The following YIPF2 variants were observed in gnomAD, a reference collection of about 807,000 sequenced individuals.
The protein encoded by YIPF2 is Yip1 domain family member 2, also known as protein YIPF2.
YIPF2 carries 30 observed loss-of-function variants against 38.8 expected under a neutral mutation model. That is an observed-to-expected ratio of 0.77 (90% confidence interval 0.58 to 1.05). The LOEUF is 1.05. Ranked by LOEUF, YIPF2 falls within the 50% of genes least tolerant of loss-of-function variation. YIPF2 has a pLI of 0.00. For synonymous variants in YIPF2, 194 were observed against 183.8 expected (o/e 1.06, Z -0.45); for missense variants, 401 against 409.7 (o/e 0.98, Z 0.18).
At position 10,923,086 on chromosome 19, in the gene YIPF2, T is replaced by C. The variant is rs1376136851; in HGVS notation, c.*108A>G. The C allele has an allele frequency of 5.6e-6, 3 of 534,158 alleles. No individual in the cohort carries two copies. The highest frequency in any genetic ancestry group is 9.8e-6 in the Non-Finnish European group (3 of 306,982). The allele number at this position is 534,158 out of a possible 1,614,324, so 33.1% of individuals were successfully genotyped here. On this transcript the variant is annotated 3_prime_UTR_variant, in exon 10 of 10. Coordinates refer to ENST00000586748, the MANE Select transcript of YIPF2 (RefSeq NM_001321439.2). ...TGCTTTGTAAGAAAAGTCTGGAAAG[T>C]AGCAGAATCATCTCAAGGTGTCAAA...
chr19:10,927,684 C>G lies in YIPF2; in HGVS notation c.225G>C (p.Pro75=), dbSNP rs1349380789. Reference sequence around the variant, plus strand: ...GATAGTAGCTGAAGGTCCAGAATCCCGGCTGCTGCTGCTGCTGCTGCTCCT... The same window carrying G: ...GATAGTAGCTGAAGGTCCAGAATCCGGGCTGCTGCTGCTGCTGCTGCTCCT... The part of the protein sequence containing the change: ...LLQEQQQQQQ[P]GFWTFSYYQS... Residue 75 remains proline (P), a synonymous_variant, in exon 4 of 10, where the codon CCG becomes CCC. Coordinates refer to ENST00000586748, the MANE Select transcript of YIPF2 (RefSeq NM_001321439.2). 1 of 1,613,742 alleles carries G rather than the reference C, an allele frequency of 6.2e-7. No individual in the cohort carries two copies. The highest frequency in any genetic ancestry group is 8.5e-7 in the Non-Finnish European group (1 of 1,180,016).
In YIPF2 at chr19:10,923,405, C is replaced by G. The variant is rs767423744; in HGVS notation, c.837G>C (p.Leu279Phe). The G allele has an allele frequency of 7.4e-6, 12 of 1,613,544 alleles. 1 individual carries two copies. The Admixed American group carries it at 1.7e-4, about 22-fold the overall frequency. Residue 279 changes from leucine (L) to phenylalanine (F), a missense_variant and splice_region_variant, in exon 9 of 10, where the codon TTG (leucine) becomes TTC (phenylalanine). Leu to Phe is a conservative substitution (Grantham distance 22). Transcript: ENST00000586748. Reference protein sequence around the residue: ...LHALLAMGCKLYFFQSLPPEN... With the variant: ...LHALLAMGCKFYFFQSLPPEN... ...CCGGAGGCAGCGACTGGAAGAAGTA[C>G]AACTGCACAAGACCCCTGGGGTCAG...
At position 10,928,571 on chromosome 19, in the gene YIPF2, C is replaced by T; in HGVS notation, c.-91G>A. The stretch of plus-strand genomic sequence containing the variant: ...GTCGTCCCGTCCCCACAGGTGCGCT[C>T]CGCCCCCCCTCACCTGAGGCCACCT... On this transcript the variant is annotated 5_prime_UTR_variant, in exon 1 of 10. Coordinates refer to ENST00000586748, the MANE Select transcript of YIPF2 (RefSeq NM_001321439.2). 1.3e-5 allele frequency: 14 copies of T among 1,078,164 alleles called. No individual in the cohort carries two copies. Among genetic ancestry groups the T allele is most frequent in the Non-Finnish European group, 1.7e-5 (14 of 800,482 alleles). The allele number at this position is 1,078,164 out of a possible 1,614,324, so 66.8% of individuals were successfully genotyped here.
Position 10,923,912 on chromosome 19 carries a change from T to C in YIPF2, c.572A>G (p.Gln191Arg), listed in dbSNP as rs775640540. The C allele has an allele frequency of 6.7e-5, 108 of 1,613,168 alleles. No homozygotes were observed. The Admixed American group carries it at 1.8e-3, about 27-fold the overall frequency. The change falls in exon 7 of 10, where the codon CAG (glutamine) becomes CGG (arginine). Residue 191 changes from glutamine to arginine, a missense_variant. By Grantham distance (43) the Gln-to-Arg change is conservative. Coordinates refer to ENST00000586748, the MANE Select transcript of YIPF2 (RefSeq NM_001321439.2). ...GAAGGTGTAGGGCCCCATGCGCTCC[T>C]GGACACCCTTGCGCCACCGCAGGAA... is the stretch of plus-strand genomic sequence containing the variant. The part of the protein sequence containing the change: ...WGFLRWRKGV[Q>R]ERMGPYTFLE...
Position 10,928,579 on chromosome 19 carries a change from C to T in YIPF2, c.-99G>A, listed in dbSNP as rs924957287. The T allele has an allele frequency of 1.2e-5, 13 of 1,056,192 alleles. No homozygotes were observed. The highest frequency in any genetic ancestry group is 1.0e-5 in the Non-Finnish European group (8 of 779,594). 65.4% of individuals were successfully genotyped at this position (1,056,192 alleles called of 1,614,324 possible). A position where few individuals can be genotyped will look rare whatever the true frequency, so the allele number is the denominator to read the frequency against. On this transcript the variant is annotated 5_prime_UTR_variant, in exon 1 of 10. Transcript: ENST00000586748. ...GTCCCCACAGGTGCGCTCCGCCCCC[C>T]CTCACCTGAGGCCACCTGGGCCGGC...
In YIPF2 at chr19:10,923,260, AATAGT is replaced by A; in HGVS notation, c.*19+7_*19+11del. ...GGGCAGCCCCCTTAGCCCAGCTGGG[AATAGT>A]CCTTACCTGTGGGACCCGGGCCTTC... On this transcript the variant is annotated splice_region_variant and intron_variant, in intron 9 of 9. Coordinates refer to ENST00000586748, the MANE Select transcript of YIPF2 (RefSeq NM_001321439.2). 6.3e-7 allele frequency: 1 copy of A among 1,583,346 alleles called. No homozygotes were observed. The highest frequency in any genetic ancestry group is 8.6e-7 in the Non-Finnish European group (1 of 1,166,822).
chr19:10,925,700 C>G lies in YIPF2; in HGVS notation c.353G>C (p.Arg118Pro), dbSNP rs141457239. The G allele has an allele frequency of 6.2e-7, 1 of 1,613,872 alleles. No individual in the cohort carries two copies. Among genetic ancestry groups the G allele is most frequent in the African/African-American group, 1.3e-5 (1 of 74,914 alleles). Residue 118 changes from arginine to proline, a missense_variant, in exon 5 of 10, where the codon CGG (arginine) becomes CCG (proline). Transcript: ENST00000586748. ...HNFVRHHLRN[R>P]PDLYGPFWIC... The stretch of plus-strand genomic sequence containing the variant: ...ACCTCACTCACCATACAGATCCGGC[C>G]GATTCCGCAGATGGTGCCGCACAAA...
At position 10,924,002 on chromosome 19, in the gene YIPF2, G is replaced by C. The variant is rs762894389; in HGVS notation, c.485-3C>G. ...GATGCTGATGCCTGCCACGGTCACT[G>C]GGGGGGGCAAGGTGAGCAGTCACCC... is the stretch of plus-strand genomic sequence containing the variant. On this transcript the variant is annotated splice_polypyrimidine_tract_variant and splice_region_variant and intron_variant, in intron 6 of 9. Coordinates refer to ENST00000586748, the MANE Select transcript of YIPF2 (RefSeq NM_001321439.2). 24 of 1,605,528 alleles carry C rather than the reference G, an allele frequency of 1.5e-5. No homozygotes were observed. The highest frequency in any genetic ancestry group is 2.0e-5 in the Non-Finnish European group (24 of 1,175,802).
At chr19:10,925,835 G>A in intron 4 of YIPF2, 62 bp from the exon 5 acceptor site, 3 of 1,543,078 alleles carry the variant, frequency 1.9e-6, no homozygotes, top group Non-Finnish European at 1.8e-6. Context: ...TGTCCTGAGA[G>A]GCTCCTTCCC....
Position 10,927,696 on chromosome 19 carries a change from CTGCTGCTGCTCCTGCAGGAGCTG to C in YIPF2, c.193-3_212del, listed in dbSNP as rs1281390224. On this transcript the variant is annotated splice_acceptor_variant and splice_polypyrimidine_tract_variant and coding_sequence_variant and intron_variant, in exon 4 of 10. Transcript: ENST00000586748. LOFTEE classifies it high-confidence loss of function. ...AGGTCCAGAATCCCGGCTGCTGCTGCTGCTGCTGCTCCTGCAGGAGCTGCACATTGCGGGCATTCAGTGCCTGC... is the reference window on the plus strand; with the variant it reads ...AGGTCCAGAATCCCGGCTGCTGCTGCCACATTGCGGGCATTCAGTGCCTGC... 9 of 1,613,540 alleles carry C rather than the reference CTGCTGCTGCTCCTGCAGGAGCTG, an allele frequency of 5.6e-6. No individual in the cohort carries two copies. In the South Asian group the frequency reaches 8.8e-5, roughly 16 times the overall value.
chr19:10,924,760 TC>T (rs1237801199), intron 5 of YIPF2, among the ~76,000 whole-genome samples: 3 of 110,080 alleles, frequency 2.7e-5, no homozygotes, highest in East Asian at 2.9e-4. Flanking sequence ...AACCTCCCAC[TC>T]CCCCCACCCC....
chr19:10,927,036 A>C (rs1354981541), intron 4 of YIPF2, among the ~76,000 whole-genome samples: 3 of 151,124 alleles, frequency 2.0e-5, no homozygotes, highest in Admixed American at 2.0e-4. Context: ...AGCCCGGCTA[A>C]TTTTGTTGTA....
intron 4 of YIPF2, among the ~76,000 whole-genome samples, chr19:10,926,780 C>T (rs1250689676): frequency 2.6e-5 from 4 of 151,964 alleles, no homozygotes; most frequent in Admixed American, 2.6e-4. Context: ...ACCGCCTCGG[C>T]ATCCCAAAGT....
Position 10,928,522 on chromosome 19 carries a change from C to T in YIPF2, c.-42G>A, listed in dbSNP as rs1400831961. 5.4e-6 allele frequency: 7 copies of T among 1,295,526 alleles called. No homozygotes were observed. Among genetic ancestry groups the T allele is most frequent in the African/African-American group, 1.6e-5 (1 of 63,718 alleles). The allele number at this position is 1,295,526 out of a possible 1,614,324, so 80.3% of individuals were successfully genotyped here. On this transcript the variant is annotated 5_prime_UTR_variant, in exon 1 of 10. Transcript: ENST00000586748. ...GCCCCCAGCCCTACCTGGCGACCAA[C>T]TGCACCCACGGAGGCTTGAACTCGT...
Position 10,923,155 on chromosome 19 carries a change from T to G in YIPF2, c.*39A>C. The stretch of plus-strand genomic sequence containing the variant: ...CTGGGGGGCAGGACAGGCAGAGGGG[T>G]TGGTCCACTTAGGTGTTGCCTGAAA... On this transcript the variant is annotated 3_prime_UTR_variant, in exon 10 of 10. Coordinates refer to ENST00000586748, the MANE Select transcript of YIPF2 (RefSeq NM_001321439.2). 1 of 794,966 alleles carries G rather than the reference T, an allele frequency of 1.3e-6. No individual in the cohort carries two copies. The highest frequency in any genetic ancestry group is 1.9e-6 in the Non-Finnish European group (1 of 517,392). The allele number at this position is 794,966 out of a possible 1,614,324, so 49.2% of individuals were successfully genotyped here.
rs2083459851 is a variant in YIPF2, at chr19:10,928,368, G to C, written c.31+12C>G. 7.5e-7 allele frequency: 1 copy of C among 1,339,370 alleles called. No individual in the cohort carries two copies. The highest frequency in any genetic ancestry group is 1.5e-5 in the African/African-American group (1 of 65,644). The allele number at this position is 1,339,370 out of a possible 1,614,324, so 83.0% of individuals were successfully genotyped here. ...GGAGTGGGAGATCCGGCCACGTCGG[G>C]GCCGCACTCACCATGGAAGGTCAGC... is the stretch of plus-strand genomic sequence containing the variant. On this transcript the variant is annotated intron_variant, in intron 2 of 9. Coordinates refer to ENST00000586748, the MANE Select transcript of YIPF2 (RefSeq NM_001321439.2).
intron 5 of YIPF2, 78 bp from the exon 6 acceptor site, chr19:10,924,270 G>A: frequency 7.5e-7 from 1 of 1,340,544 alleles, no homozygotes; most frequent in East Asian, 2.4e-5. Context: ...ACTGAGCTGT[G>A]CTGAGACCCC....
Position 10,927,625 on chromosome 19 carries a change from C to A in YIPF2, c.279+5G>T. 1 of 1,613,588 alleles carries A rather than the reference C, an allele frequency of 6.2e-7. No homozygotes were observed. The highest frequency in any genetic ancestry group is 8.5e-7 in the Non-Finnish European group (1 of 1,179,850). ...GCCCCATCCCACCTGCCTCCCCAGCCTGACCTGTGAGGTGTCCACGTCAAA... is the reference window on the plus strand; with the variant it reads ...GCCCCATCCCACCTGCCTCCCCAGCATGACCTGTGAGGTGTCCACGTCAAA... On this transcript the variant is annotated splice_donor_5th_base_variant and intron_variant, in intron 4 of 9. Transcript: ENST00000586748.
intron 7 of YIPF2, 27 bp from the exon 8 acceptor site, chr19:10,923,704 C>G (rs751875836): frequency 6.3e-7 from 1 of 1,589,276 alleles, no homozygotes; most frequent in African/African-American, 1.3e-5. Flanking sequence ...GGCAGGTGAC[C>G]ATGCCAGTCC....
Sources: allele counts gnomAD v4.1 joint callset (sites outside exome capture counted in the v4.1 genomes callset), GRCh38; gene constraint gnomAD v4.1.1; transcripts MANE v1.5; gene names NCBI Gene and HGNC (gene_info 2026-07-23, HGNC 2026-07-21).